The following BORCS5 variants were observed in gnomAD, a reference collection of about 807,000 sequenced individuals.
BORCS5 encodes the protein BLOC-1 related complex subunit 5.
BORCS5 carries 17 observed loss-of-function variants against 22.1 expected under a neutral mutation model. The observed-to-expected ratio is 0.77, with a 90% confidence interval of 0.53 to 1.15. The LOEUF is 1.15. Ranked by LOEUF, BORCS5 falls within the 50% of genes most tolerant of loss-of-function variation. BORCS5 has a pLI of 0.00. For missense variants in BORCS5, 247 were observed against 253.2 expected, an observed-to-expected ratio of 0.98 and a Z score of 0.17; for synonymous variants, 117 against 99.8, an observed-to-expected ratio of 1.17 and a Z score of -1.03.
Position 12,405,506 on chromosome 12 carries a change from T to C in BORCS5, c.203-30122T>C, listed in dbSNP as rs546035674. ...CACTGTGATTTTTTTATTATGATGA[T>C]TATTTTTACTTTACTTACTTAGTAT... On this transcript the variant is annotated intron_variant, in intron 2 of 3. Transcript: ENST00000314565. 5.3e-5 allele frequency among the ~76,000 whole-genome samples: 8 copies of C among 152,340 alleles called. No individual in the cohort carries two copies. In the South Asian group the frequency reaches 1.7e-3, roughly 32 times the overall value.
chr12:12,357,238 C>CTTGCGTTTCTGTTCCCCAAATAG lies in BORCS5; in HGVS notation c.-213_-191dup. 6.8e-7 allele frequency: 1 copy of CTTGCGTTTCTGTTCCCCAAATAG among 1,471,372 alleles called. No homozygotes were observed. 91.1% of individuals were successfully genotyped at this position (1,471,372 alleles called of 1,614,324 possible). ...GCCGCGTGCGTTCGCGCCGCGCCTC[C>CTTGCGTTTCTGTTCCCCAAATAG]TTGCGTTTCTGTTCCCCAAATAGGG... On this transcript the variant is annotated 5_prime_UTR_variant, in exon 1 of 4. Coordinates refer to ENST00000314565, the MANE Select transcript of BORCS5 (RefSeq NM_058169.6).
At chr12:12,382,239 G>C (rs1458754994) in intron 2 of BORCS5, among the ~76,000 whole-genome samples, 2 of 151,296 alleles carry the variant, frequency 1.3e-5, no homozygotes, top group Non-Finnish European at 3.0e-5. Context: ...CAATCATGGA[G>C]GAAGGTGAAG....
At chr12:12,398,793 G>A (rs984771569) in intron 2 of BORCS5, among the ~76,000 whole-genome samples, 1 of 152,132 alleles carries the variant, frequency 6.6e-6, no homozygotes, top group African/African-American at 2.4e-5. Flanking sequence ...CAGCCCAATC[G>A]ATAGCTGATT....
intron 2 of BORCS5, among the ~76,000 whole-genome samples, chr12:12,401,862 T>C (rs191914818): frequency 0.017 from 2,629 of 151,388 alleles, 33 homozygotes; most frequent in Middle Eastern, 0.037. Flanking sequence ...ATCGAGACCA[T>C]CCTGGTTAAC....
intron 2 of BORCS5, among the ~76,000 whole-genome samples, chr12:12,395,891 G>T (rs1160194449): frequency 1.3e-5 from 2 of 152,050 alleles, no homozygotes; most frequent in Non-Finnish European, 2.9e-5. Context: ...ACAGGATTTG[G>T]CAAATTGGGT....
At chr12:12,367,296 G>A (rs1863426114) in intron 2 of BORCS5, among the ~76,000 whole-genome samples, 1 of 152,232 alleles carries the variant, frequency 6.6e-6, no homozygotes, top group Non-Finnish European at 1.5e-5. Context: ...TTCATCAGAT[G>A]TCTGCCTCTA....
At chr12:12,395,755 C>A (rs1941323785) in intron 2 of BORCS5, among the ~76,000 whole-genome samples, 2 of 151,852 alleles carry the variant, frequency 1.3e-5, no homozygotes, top group Admixed American at 1.3e-4. Flanking sequence ...ATGACAGTGG[C>A]CAAAGATGGA....
At chr12:12,409,434 G>A (rs887636302) in intron 2 of BORCS5, among the ~76,000 whole-genome samples, 1 of 151,272 alleles carries the variant, frequency 6.6e-6, no homozygotes, top group Non-Finnish European at 1.5e-5. Flanking sequence ...ATGAACACAT[G>A]GACACTTATT....
rs1943272297 is a variant in BORCS5, at chr12:12,470,309, C to G, written c.*4533C>G. Among the ~76,000 whole-genome samples, 1 of 152,146 alleles carries G rather than the reference C, an allele frequency of 6.6e-6. No individual in the cohort carries two copies. The highest frequency in any genetic ancestry group is 6.6e-5 in the Admixed American group (1 of 15,254). The stretch of plus-strand genomic sequence containing the variant: ...GGTCTCAAACTCCTGACCTCGTGAT[C>G]TGCCCGACTTGGCCTCCCAAAGTAC... On this transcript the variant is annotated 3_prime_UTR_variant, in exon 4 of 4. Transcript: ENST00000314565.
intron 2 of BORCS5, among the ~76,000 whole-genome samples, chr12:12,370,662 G>C (rs761658752): frequency 6.6e-6 from 1 of 152,068 alleles, no homozygotes; most frequent in Non-Finnish European, 1.5e-5. Context: ...CCAATGAGTT[G>C]TATGTAATCT....
chr12:12,375,377 A>C (rs1863626454), intron 2 of BORCS5, among the ~76,000 whole-genome samples: 1 of 152,210 alleles, frequency 6.6e-6, no homozygotes, highest in Non-Finnish European at 1.5e-5. Context: ...TGATCATAGC[A>C]CTTTGGAAAG....
chr12:12,440,859 C>G (rs79704296), intron 3 of BORCS5, among the ~76,000 whole-genome samples: 1 of 152,304 alleles, frequency 6.6e-6, no homozygotes, highest in East Asian at 1.9e-4. Context: ...AAGGCTTTTA[C>G]AGAAAGTAAG....
intron 2 of BORCS5, among the ~76,000 whole-genome samples, chr12:12,405,926 G>A (rs931965697): frequency 7.9e-5 from 12 of 152,256 alleles, no homozygotes; most frequent in Admixed American, 7.8e-4. Context: ...CTAGAATCGT[G>A]TTTTGGGCTA....
intron 2 of BORCS5, among the ~76,000 whole-genome samples, chr12:12,404,794 G>A (rs1941556938): frequency 6.6e-6 from 1 of 152,186 alleles, no homozygotes; most frequent in Non-Finnish European, 1.5e-5. Context: ...TGCCTCCTGG[G>A]TTCAAGTGAT....
At chr12:12,372,769 G>T (rs1367708337) in intron 2 of BORCS5, among the ~76,000 whole-genome samples, 1 of 152,136 alleles carries the variant, frequency 6.6e-6, no homozygotes, top group African/African-American at 2.4e-5. Flanking sequence ...AAAATATTTG[G>T]CCTACTGCTT....
intron 3 of BORCS5, among the ~76,000 whole-genome samples, chr12:12,451,380 G>A (rs1942904921): frequency 1.3e-5 from 2 of 152,130 alleles, no homozygotes; most frequent in Admixed American, 6.5e-5. Context: ...AACAGCAGAA[G>A]GAATTAAGGA....
intron 2 of BORCS5, among the ~76,000 whole-genome samples, chr12:12,402,025 C>T (rs1941491818): frequency 6.8e-6 from 1 of 146,994 alleles, no homozygotes; most frequent in Admixed American, 6.8e-5. Flanking sequence ...AAGATGGCGC[C>T]ACTGCACTTC....
At chr12:12,403,567 T>C (rs988095052) in intron 2 of BORCS5, among the ~76,000 whole-genome samples, 2 of 152,176 alleles carry the variant, frequency 1.3e-5, no homozygotes, top group African/African-American at 4.8e-5. Flanking sequence ...CCGAGTATTA[T>C]CAACTAACAT....
intron 2 of BORCS5, among the ~76,000 whole-genome samples, chr12:12,414,151 G>A (rs1941836935): frequency 1.0e-5 from 1 of 100,016 alleles, no homozygotes; most frequent in African/African-American, 4.0e-5. Flanking sequence ...GGCTGGCCGG[G>A]CGGGGGGCTG....
Sources: gnomAD v4.1 joint callset for allele counts (sites outside exome capture counted in the v4.1 genomes callset) on GRCh38, gnomAD v4.1.1 for gene constraint, MANE v1.5 for transcripts, NCBI Gene and HGNC (gene_info 2026-07-23, HGNC 2026-07-21) for gene names.